GNL3L: variants seen among roughly 807,000 people sequenced by gnomAD.
GNL3L encodes guanine nucleotide-binding protein-like 3-like protein.
In GNL3L, 4 loss-of-function variants were observed where a neutral mutation model predicts 42.9. The observed-to-expected ratio is 0.09, with a 90% CI of 0.05 to 0.21. GNL3L has a LOEUF of 0.21. Ranked by LOEUF, GNL3L falls within the 10% of genes least tolerant of loss-of-function variation. The pLI, the probability that GNL3L is intolerant of heterozygous loss-of-function variation, is 1.00. For missense variants in GNL3L, 412 were observed against 481.7 expected (o/e 0.86, Z 1.36); for synonymous variants, 159 against 176.3 (o/e 0.90, Z 0.78).
intron 16 of GNL3L, among the ~76,000 whole-genome samples, chrX:54,590,358 T>C (rs1003990416): frequency 8.9e-6 from 1 of 112,536 alleles, no homozygotes; most frequent in African/African-American, 3.2e-5. Context: ...ATGTCTTCTT[T>C]TGAGAAATGT....
At chrX:54,614,993 C>T (rs776089545) in intron 16 of GNL3L, among the ~76,000 whole-genome samples, 16 of 111,467 alleles carry the variant, frequency 1.4e-4, no homozygotes, top group South Asian at 3.7e-4. Context: ...CATTACTGTG[C>T]GACTACTCCA....
chrX:54,552,819 AC>A (rs1423118105), intron 13 of GNL3L, among the ~76,000 whole-genome samples: 4 of 111,103 alleles, frequency 3.6e-5, no homozygotes, highest in Non-Finnish European at 7.6e-5. Flanking sequence ...TTTCCTTCTT[AC>A]CCCTATCGGT....
chrX:54,596,095 G>A (rs755894604), intron 16 of GNL3L, among the ~76,000 whole-genome samples: 196 of 111,696 alleles, frequency 1.8e-3, no homozygotes, highest in Non-Finnish European at 3.1e-3. Flanking sequence ...ATTTGGTGAG[G>A]TCATGTTTTC....
intron 8 of GNL3L, among the ~76,000 whole-genome samples, chrX:54,547,447 G>A (rs972944181): frequency 1.8e-5 from 2 of 110,750 alleles, no homozygotes; most frequent in African/African-American, 6.6e-5. Context: ...GCTCATGCCC[G>A]TAATCCCAGC....
At chrX:54,580,526 G>T (rs1005271189) in intron 16 of GNL3L, among the ~76,000 whole-genome samples, 2 of 110,675 alleles carry the variant, frequency 1.8e-5, no homozygotes, top group South Asian at 3.9e-4. Flanking sequence ...GTAATGGGAT[G>T]GCTGGGTCAA....
chrX:54,579,818 C>T (rs1314472963), intron 16 of GNL3L, among the ~76,000 whole-genome samples: 2 of 111,387 alleles, frequency 1.8e-5, no homozygotes, highest in African/African-American at 6.5e-5. Flanking sequence ...GCTGAGACTA[C>T]AGGCATGCGC....
intron 2 of GNL3L, among the ~76,000 whole-genome samples, chrX:54,533,386 T>A (rs5961083): frequency 0.16 from 16,419 of 105,624 alleles, 2,137 homozygotes; most frequent in African/African-American, 0.42. Context: ...AAAAAAGGAA[T>A]AAAACAAAAC....
At chrX:54,624,579 A>C (rs868373772), downstream of GNL3L, among the ~76,000 whole-genome samples, 10 of 107,747 alleles carry the variant, frequency 9.3e-5, no homozygotes, top group South Asian at 4.2e-4. Context: ...CTGGGATTAC[A>C]GGCACCCACC....
chrX:54,552,950 C>T (rs1327776164), intron 13 of GNL3L, among the ~76,000 whole-genome samples: 1 of 111,955 alleles, frequency 8.9e-6, no homozygotes, highest in African/African-American at 3.2e-5. Context: ...AGCTGGGTGT[C>T]CAAAAGTATA....
Position 54,563,028 on chromosome X carries a change from T to C in GNL3L, c.*2426T>C, listed in dbSNP as rs777574667. Among the ~76,000 whole-genome samples the C allele has an allele frequency of 2.1e-4, 23 of 111,828 alleles. No individual in the cohort carries two copies. The Admixed American group carries it at 2.1e-3, about 10-fold the overall frequency. On this transcript the variant is annotated 3_prime_UTR_variant, in exon 16 of 16. Coordinates refer to ENST00000360845, the MANE Select transcript of GNL3L (RefSeq NM_001184819.2). ...TTTTCTTTTTTGGTTTAAAAAACTCTAGTTTCTTAAACTACTAGTTTTTAG... is the reference window on the plus strand; with the variant it reads ...TTTTCTTTTTTGGTTTAAAAAACTCCAGTTTCTTAAACTACTAGTTTTTAG...
At chrX:54,556,250 A>G (rs1427081449) in intron 14 of GNL3L, among the ~76,000 whole-genome samples, 1 of 111,207 alleles carries the variant, frequency 9.0e-6, no homozygotes, top group Non-Finnish European at 1.9e-5. Flanking sequence ...GAAACTTACA[A>G]TCATGTCAGA....
At chrX:54,552,020 G>A (rs988459778) in intron 12 of GNL3L, 46 bp downstream of exon 12, 2 of 1,174,120 alleles carry the variant, frequency 1.7e-6, no homozygotes, top group Non-Finnish European at 2.3e-6. Flanking sequence ...TGGCAGCCTG[G>A]CTCCCCAAAG....
chrX:54,537,526 A>G (rs1924475105), intron 2 of GNL3L, among the ~76,000 whole-genome samples: 1 of 111,356 alleles, frequency 9.0e-6, no homozygotes, highest in Non-Finnish European at 1.9e-5. Flanking sequence ...CATCATTTCA[A>G]TTTCTTTGAA....
intron 16 of GNL3L, among the ~76,000 whole-genome samples, chrX:54,607,306 A>G (rs1158286677): frequency 1.0e-5 from 1 of 99,248 alleles, no homozygotes; most frequent in Non-Finnish European, 2.0e-5. Flanking sequence ...TAAAGGAGAA[A>G]TAAACCCTGT....
At chrX:54,617,575 C>T (rs1216237078) in intron 16 of GNL3L, among the ~76,000 whole-genome samples, 3 of 112,168 alleles carry the variant, frequency 2.7e-5, no homozygotes, top group African/African-American at 9.7e-5. Context: ...TTGCTGGGGT[C>T]TGAATGTGTA....
intron 9 of GNL3L, 21 bp downstream of exon 9, chrX:54,548,394 ATGGGGCTCAG>A: frequency 8.5e-7 from 1 of 1,174,424 alleles, no homozygotes; most frequent in Non-Finnish European, 1.2e-6. Flanking sequence ...CTGTGTGGTC[ATGGGGCTCAG>A]GCTTCTTTCT....
At chrX:54,612,755 C>T (rs976679825) in intron 16 of GNL3L, among the ~76,000 whole-genome samples, 11 of 111,516 alleles carry the variant, frequency 9.9e-5, no homozygotes, top group African/African-American at 3.6e-4. Flanking sequence ...GAAGATAGGG[C>T]CCCAATCCCT....
At chrX:54,550,296 G>C (rs12014815) in intron 9 of GNL3L, among the ~76,000 whole-genome samples, 4 of 107,852 alleles carry the variant, frequency 3.7e-5, no homozygotes, top group Admixed American at 1.0e-4. Flanking sequence ...AGAGAGGGAG[G>C]GGGGAGAGAG....
At chrX:54,639,809 C>A in the GNL3L span, among the ~76,000 whole-genome samples, 1 of 111,631 alleles carries the variant, frequency 9.0e-6, no homozygotes, top group Non-Finnish European at 1.9e-5. Flanking sequence ...AGCTCACAGC[C>A]GGAGTGAGGC....
Sources: gnomAD v4.1 joint callset for allele counts (sites outside exome capture counted in the v4.1 genomes callset) on GRCh38, gnomAD v4.1.1 for gene constraint, MANE v1.5 for transcripts, NCBI Gene and HGNC (gene_info 2026-07-23, HGNC 2026-07-21) for gene names.